CLPX: variants seen among roughly 807,000 people sequenced by gnomAD.
The protein encoded by CLPX is ATP-dependent clpX-like chaperone, mitochondrial.
In CLPX, 34 loss-of-function variants were observed where a neutral mutation model predicts 76.4. That is an observed-to-expected ratio of 0.45 (90% CI 0.34 to 0.59). The LOEUF is 0.59. CLPX is among the 20% of genes least tolerant of loss of function. CLPX has a pLI of 0.01. For missense variants in CLPX, 613 were observed against 757.0 expected, an observed-to-expected ratio of 0.81 and a Z score of 2.23; for synonymous variants, 248 against 270.9, an observed-to-expected ratio of 0.92 and a Z score of 0.83.
intron 3 of CLPX, among the ~76,000 whole-genome samples, chr15:65,177,912 T>C (rs1268472340): frequency 2.0e-5 from 3 of 152,138 alleles, no homozygotes; most frequent in Non-Finnish European, 2.9e-5. Flanking sequence ...TCCTCCTACC[T>C]CAGCCCCTAA....
chr15:65,151,082 CATCTGTA>C (rs1279714141), intron 13 of CLPX, among the ~76,000 whole-genome samples, 169 bp from the exon 14 acceptor site: 2 of 152,108 alleles, frequency 1.3e-5, no homozygotes, highest in Admixed American at 6.6e-5. Flanking sequence ...CAGTGGCTCA[CATCTGTA>C]ATCCCAGCAT....
At chr15:65,153,800 C>G (rs2945610) in intron 11 of CLPX, among the ~76,000 whole-genome samples, 161 bp from the exon 12 acceptor site, 150,941 of 152,346 alleles carry the variant, frequency 0.99, 74,775 homozygotes, top group Middle Eastern at 1. Flanking sequence ...ATTATGAATT[C>G]CAAGTTTGTT....
chr15:65,167,631 T>G (rs2087933882), intron 3 of CLPX, among the ~76,000 whole-genome samples: 1 of 151,710 alleles, frequency 6.6e-6, no homozygotes, highest in Non-Finnish European at 1.5e-5. Context: ...ATCCCAGCAC[T>G]TTGGGAGACT....
In CLPX at chr15:65,154,926, C is replaced by G; in HGVS notation, c.1467G>C (p.Glu489Asp). The G allele has an allele frequency of 1.2e-6, 2 of 1,614,172 alleles. No homozygotes were observed. The highest frequency in any genetic ancestry group is 2.2e-5 in the South Asian group (2 of 91,074). The stretch of plus-strand genomic sequence containing the variant: ...CCACAAACTCAGGAATCATGCCAAA[C>G]TCAATCAGATCTCTGGCTTCCACAT... ...LRHVEARDLI[E>D]FGMIPEFVGR... Residue 489 changes from glutamate to aspartate, a missense_variant, in exon 11 of 14, where the codon GAG becomes GAC. Glu to Asp is a conservative substitution (Grantham distance 45, BLOSUM62 2). Transcript: ENST00000300107.
At chr15:65,177,639 G>A (rs966042963) in intron 3 of CLPX, among the ~76,000 whole-genome samples, 6 of 152,132 alleles carry the variant, frequency 3.9e-5, no homozygotes, top group African/African-American at 1.4e-4. Flanking sequence ...GGATTGTATA[G>A]GAAGGCTGAC....
intron 3 of CLPX, among the ~76,000 whole-genome samples, chr15:65,172,632 G>C (rs575412319): frequency 2.0e-5 from 3 of 152,160 alleles, no homozygotes; most frequent in East Asian, 3.9e-4. Context: ...AACTCCGTCT[G>C]GGGGGAAAGA....
intron 8 of CLPX, 104 bp downstream of exon 8, chr15:65,157,642 C>A: frequency 9.2e-7 from 1 of 1,087,894 alleles, no homozygotes; most frequent in African/African-American, 1.6e-5. Flanking sequence ...TATATAATTA[C>A]AGAATTTTAG....
chr15:65,170,090 A>G (rs906931315), intron 3 of CLPX, among the ~76,000 whole-genome samples: 4 of 151,760 alleles, frequency 2.6e-5, no homozygotes, highest in Non-Finnish European at 5.9e-5. Context: ...CTGTCTTGCT[A>G]TGTTGTCCAG....
At chr15:65,161,653 T>C (rs2087857886) in intron 6 of CLPX, among the ~76,000 whole-genome samples, 1 of 152,164 alleles carries the variant, frequency 6.6e-6, no homozygotes, top group Non-Finnish European at 1.5e-5. Flanking sequence ...GTCAACACAA[T>C]TTATGAGTAT....
In CLPX at chr15:65,157,786, T is replaced by C. The variant is rs1357830301; in HGVS notation, c.1017A>G (p.Leu339=). Residue 339 remains leucine, a synonymous_variant, in exon 8 of 14, where the codon CTA becomes CTG. Transcript: ENST00000300107. ...CCACATTATAATTGGCATCTTGGAG[T>C]AGTTTTGCAATCACAGATTCAATAT... is the stretch of plus-strand genomic sequence containing the variant. ...GEDIESVIAK[L]LQDANYNVEK... 3.1e-6 allele frequency: 5 copies of C among 1,613,744 alleles called. No homozygotes were observed. The South Asian group carries it at 4.4e-5, about 14-fold the overall frequency.
chr15:65,153,103 T>C lies in CLPX; in HGVS notation c.1704+444A>G, dbSNP rs1475944470. Among the ~76,000 whole-genome samples the C allele has an allele frequency of 2.6e-5, 4 of 152,002 alleles. No homozygotes were observed. In the East Asian group the frequency reaches 7.7e-4, roughly 29 times the overall value. On this transcript the variant is annotated intron_variant, in intron 12 of 13. Transcript: ENST00000300107. ...GTCTATGTCCTTTGTTGCAAACACCTTGAAGTTCCTTTTTGAGAAAAAGCA... is the reference window on the plus strand; with the variant it reads ...GTCTATGTCCTTTGTTGCAAACACCCTGAAGTTCCTTTTTGAGAAAAAGCA...
chr15:65,180,315 G>A, intron 1 of CLPX, 111 bp from the exon 2 acceptor site: 1 of 800,320 alleles, frequency 1.2e-6, no homozygotes, highest in South Asian at 2.2e-5. Context: ...CATTTTCACA[G>A]TAGTATAAAC....
At chr15:65,182,142 GAAAGAA>G (rs902786427) in intron 1 of CLPX, among the ~76,000 whole-genome samples, 2 of 148,240 alleles carry the variant, frequency 1.3e-5, no homozygotes, top group African/African-American at 2.5e-5. Context: ...AAGAAAGAAA[GAAAGAA>G]AAAGAAAAAG....
chr15:65,157,049 T>C (rs573901018), intron 8 of CLPX, 117 bp from the exon 9 acceptor site: 3 of 615,384 alleles, frequency 4.9e-6, no homozygotes, highest in Admixed American at 3.3e-5. Context: ...ATACTTAACA[T>C]ATCCAATAGC....
chr15:65,157,388 G>T (rs1388497865), intron 8 of CLPX, among the ~76,000 whole-genome samples: 1 of 152,192 alleles, frequency 6.6e-6, no homozygotes, highest in African/African-American at 2.4e-5. Context: ...TAGGTCAACA[G>T]GCTAAACTGT....
At chr15:65,183,932 T>C (rs2140656756) in intron 1 of CLPX, among the ~76,000 whole-genome samples, 1 of 152,352 alleles carries the variant, frequency 6.6e-6, no homozygotes, top group Admixed American at 6.5e-5. Flanking sequence ...GCAAATCGAA[T>C]TCCTGGAATC....
intron 6 of CLPX, 122 bp downstream of exon 6, chr15:65,162,482 T>C: frequency 3.3e-6 from 2 of 615,300 alleles, no homozygotes; most frequent in South Asian, 4.2e-5. Flanking sequence ...AGATAATACG[T>C]ATCTTTCTTG....
At position 65,158,658 on chromosome 15, in the gene CLPX, C is replaced by T. The variant is rs145543919; in HGVS notation, c.809G>A (p.Arg270Gln). ...QVNQQIPQEK[R>Q]GGEVLDSSHD... ...AGAAGAATCCAATACTTCACCTCCT[C>T]GTTTTTCCTGAGGTATTTGTTGATT... is the stretch of plus-strand genomic sequence containing the variant. Residue 270 changes from arginine to glutamine, a missense_variant, in exon 7 of 14, where the codon CGA becomes CAA. By Grantham distance (43) the Arg-to-Gln change is conservative. Transcript: ENST00000300107. The T allele has an allele frequency of 2.0e-5, 32 of 1,613,664 alleles. No individual in the cohort carries two copies. The highest frequency in any genetic ancestry group is 1.7e-4 in the African/African-American group (13 of 74,886).
At chr15:65,153,393 T>C (rs956432897) in intron 12 of CLPX, among the ~76,000 whole-genome samples, 154 bp downstream of exon 12, 3 of 152,102 alleles carry the variant, frequency 2.0e-5, no homozygotes, top group Non-Finnish European at 2.9e-5. Flanking sequence ...GAGGTGGAGA[T>C]TGCAGTGAGC....
Sources: allele counts gnomAD v4.1 joint callset (sites outside exome capture counted in the v4.1 genomes callset), GRCh38; gene constraint gnomAD v4.1.1; transcripts MANE v1.5; gene names NCBI Gene and HGNC (gene_info 2026-07-23, HGNC 2026-07-21).